The following GGT5 variants were observed in gnomAD, a reference collection of about 807,000 sequenced individuals.
The protein encoded by GGT5 is glutathione hydrolase 5 proenzyme.
GGT5 carries 50 observed loss-of-function variants against 58.1 expected under a neutral mutation model. That is an observed-to-expected ratio of 0.86 (90% CI 0.69 to 1.09). The LOEUF is 1.09. Ranked by LOEUF, GGT5 falls within the 50% of genes least tolerant of loss-of-function variation. The pLI is 0.00. For synonymous variants in GGT5, 370 were observed against 346.1 expected, an observed-to-expected ratio of 1.07 and a Z score of -0.77; for missense variants, 800 against 789.4, an observed-to-expected ratio of 1.01 and a Z score of -0.16.
chr22:24,226,766 C>T lies in GGT5; in HGVS notation c.903G>A (p.Gly301=), dbSNP rs200056516. 7.0e-5 allele frequency: 113 copies of T among 1,613,928 alleles called. No homozygotes were observed. The highest frequency in any genetic ancestry group is 5.9e-4 in the South Asian group (54 of 91,074). Residue 301 remains glycine (G), a splice_region_variant and synonymous_variant, in exon 7 of 12, where the codon GGG becomes GGA. Transcript: ENST00000327365. ...CCATAGACTCTGTTGAGAAGTTGAA[C>T]CCTGGAGAGAGGTTGGGGCACAGGT... ...ILSFILNVLR[G]FNFSTESMAR...
At position 24,219,997 on chromosome 22, in the gene GGT5, C is replaced by T. The variant is rs2047541343; in HGVS notation, c.1734G>A (p.Arg578=). ...AGTAGCCTGCGGCCTCCCCACTCTT[C>T]CTCAGGTCCGAGACGGCGTACACAC... ...GACVYAVSDL[R]KSGEAAGY is the part of the protein sequence containing the mutation. The change falls in exon 12 of 12, where the codon AGG becomes AGA. Residue 578 remains arginine, a synonymous_variant. Coordinates refer to ENST00000327365, the MANE Select transcript of GGT5 (RefSeq NM_004121.5). 3.7e-6 allele frequency: 6 copies of T among 1,614,066 alleles called. No individual in the cohort carries two copies. In the African/African-American group the frequency reaches 6.7e-5, roughly 18 times the overall value.
In GGT5 at chr22:24,233,650, G is replaced by C. The variant is rs532824600; in HGVS notation, c.305-57C>G. 5.0e-5 allele frequency: 51 copies of C among 1,023,006 alleles called. 1 individual carries two copies. The East Asian group carries it at 1.3e-3, about 25-fold the overall frequency. The allele number at this position is 1,023,006 out of a possible 1,614,324, so 63.4% of individuals were successfully genotyped here. On this transcript the variant is annotated intron_variant, in intron 2 of 11. Transcript: ENST00000327365. ...GGACCCTGCAGACAGCCCCTGGCCT[G>C]CTCTAGGCCTCAGTTTCCATCTCTG...
chr22:24,219,674 T>TCTG lies in GGT5; in HGVS notation c.*295_*296insCAG. Reference sequence around the variant, plus strand: ...TGGAATCAGGCCACAGTCCGCCTCTTTAATCTTGGACTGGAGGATATACAG... The same window carrying TCTG: ...TGGAATCAGGCCACAGTCCGCCTCTTCTGTAATCTTGGACTGGAGGATATACAG... On this transcript the variant is annotated 3_prime_UTR_variant, in exon 12 of 12. Transcript: ENST00000327365. 2.9e-6 allele frequency: 1 copy of TCTG among 349,898 alleles called. No homozygotes were observed. Among genetic ancestry groups the TCTG allele is most frequent in the Non-Finnish European group, 5.3e-6 (1 of 189,364 alleles). The allele number at this position is 349,898 out of a possible 1,614,324, so 21.7% of individuals were successfully genotyped here.
At chr22:24,228,267 C>T (rs566418892) in intron 6 of GGT5, among the ~76,000 whole-genome samples, 2 of 151,882 alleles carry the variant, frequency 1.3e-5, no homozygotes, top group South Asian at 4.2e-4. Flanking sequence ...CCACTGCACT[C>T]CAGCCCAGGT....
intron 1 of GGT5, among the ~76,000 whole-genome samples, chr22:24,237,392 C>T (rs1405035829): frequency 6.9e-6 from 1 of 145,486 alleles, no homozygotes; most frequent in East Asian, 2.0e-4. Flanking sequence ...ATCCCTAGGC[C>T]TCAAATTATT....
intron 1 of GGT5, chr22:24,244,323 A>C: frequency 3.8e-6 from 2 of 525,168 alleles, no homozygotes. Context: ...ACACCCACCC[A>C]CACATACACA....
At chr22:24,244,266 C>T (rs545004541) in intron 1 of GGT5, 4,033 of 391,534 alleles carry the variant, frequency 0.01, 37 homozygotes, top group Middle Eastern at 0.032. Context: ...CACACACACA[C>T]GGCTCCTGCT....
chr22:24,232,738 A>T (rs1318998253), intron 4 of GGT5, 85 bp downstream of exon 4: 1 of 923,218 alleles, frequency 1.1e-6, no homozygotes. Flanking sequence ...TGTAAGAGGG[A>T]CTGAGGCAGA....
chr22:24,242,928 A>G (rs1028272086), intron 1 of GGT5: 6 of 152,282 alleles, frequency 3.9e-5, no homozygotes, highest in African/African-American at 1.4e-4. Flanking sequence ...TTGACAAAAC[A>G]CTGGGGCAAA....
At chr22:24,229,335 A>C (rs569823960) in intron 6 of GGT5, among the ~76,000 whole-genome samples, 162 of 152,064 alleles carry the variant, frequency 1.1e-3, no homozygotes, top group Non-Finnish European at 1.8e-3. Flanking sequence ...TGAACCCAGG[A>C]GGCAGAGTTT....
chr22:24,233,186 C>T (rs796488626), intron 3 of GGT5, among the ~76,000 whole-genome samples, 168 bp from the exon 4 acceptor site: 43 of 152,332 alleles, frequency 2.8e-4, no homozygotes, highest in African/African-American at 9.9e-4. Flanking sequence ...CCACAAAGTC[C>T]ATGGCCAAGC....
In GGT5 at chr22:24,232,108, C is replaced by T. The variant is rs1419126653; in HGVS notation, c.697G>A (p.Glu233Lys). Residue 233 changes from glutamate (E) to lysine (K), a missense_variant, in exon 5 of 12, where the codon GAG (glutamate) becomes AAG (lysine). Coordinates refer to ENST00000327365, the MANE Select transcript of GGT5 (RefSeq NM_004121.5). ...CCCAGCCTCCCCGTGTAGAAGACCT[C>T]CACGCCCTCTGTGGCCACGGTCTCC... ...TLETVATEGVEVFYTGRLGQM... is the reference protein window; with the variant it reads ...TLETVATEGVKVFYTGRLGQM... 14 of 1,612,134 alleles carry T rather than the reference C, an allele frequency of 8.7e-6. No homozygotes were observed. The highest frequency in any genetic ancestry group is 1.1e-5 in the Non-Finnish European group (13 of 1,178,826).
intron 3 of GGT5, 135 bp from the exon 4 acceptor site, chr22:24,233,153 C>T: frequency 1.5e-6 from 1 of 677,422 alleles, no homozygotes. Flanking sequence ...ACGTCCCTCC[C>T]TGCTCAAATC....
chr22:24,237,760 A>G (rs1356544267), intron 1 of GGT5, among the ~76,000 whole-genome samples: 1 of 152,144 alleles, frequency 6.6e-6, no homozygotes, highest in Non-Finnish European at 1.5e-5. Context: ...AACCAAGCAA[A>G]CAAGGAAATA....
chr22:24,234,008 G>A lies in GGT5; in HGVS notation c.174-4C>T, dbSNP rs989948757. On this transcript the variant is annotated splice_polypyrimidine_tract_variant and splice_region_variant and intron_variant, in intron 1 of 11. Transcript: ENST00000327365. Reference sequence around the variant, plus strand: ...GCCCTGCTGCTGGAGGATGGCTCTAGGGGACATGGCACAGAGTCGCTGTGG... The same window carrying A: ...GCCCTGCTGCTGGAGGATGGCTCTAAGGGACATGGCACAGAGTCGCTGTGG... The A allele has an allele frequency of 6.2e-7, 1 of 1,604,210 alleles. No individual in the cohort carries two copies. The highest frequency in any genetic ancestry group is 8.5e-7 in the Non-Finnish European group (1 of 1,175,960).
chr22:24,225,735 C>G (rs71318962), intron 8 of GGT5, 83 bp from the exon 9 acceptor site: 2 of 833,028 alleles, frequency 2.4e-6, no homozygotes, highest in Non-Finnish European at 4.0e-6. Flanking sequence ...TTTGCAGGAC[C>G]CCCTCGTTTT....
At chr22:24,237,189 C>G (rs2048123722) in intron 1 of GGT5, among the ~76,000 whole-genome samples, 1 of 151,978 alleles carries the variant, frequency 6.6e-6, no homozygotes, top group Non-Finnish European at 1.5e-5. Flanking sequence ...GCGTGAGCCA[C>G]CACACCTGGT....
chr22:24,244,955 T>C lies in GGT5; in HGVS notation c.-230A>G. 1.5e-6 allele frequency: 1 copy of C among 685,170 alleles called. No individual in the cohort carries two copies. Among genetic ancestry groups the C allele is most frequent in the South Asian group, 2.1e-5 (1 of 46,616 alleles). The allele number at this position is 685,170 out of a possible 1,614,324, so 42.4% of individuals were successfully genotyped here. A position where few individuals can be genotyped will look rare whatever the true frequency, so the allele number is the denominator to read the frequency against. ...GATAGACAATGGGACAGAGATGGGC[T>C]TACAGATGGGCGGACAGACAGACAG... On this transcript the variant is annotated 5_prime_UTR_variant, in exon 1 of 12. Transcript: ENST00000327365.
rs1183753701 is a variant in GGT5 at position 24,232,149 on chromosome 22, G to A, written c.656C>T (p.Ala219Val). The change falls in exon 5 of 12, where the codon GCA becomes GTA. Residue 219 changes from alanine to valine, a missense_variant. Ala to Val is a moderately conservative substitution (Grantham distance 64). Transcript: ENST00000327365. Reference protein sequence around the residue: ...LRPQDPLPWPALATTLETVAT... With the variant: ...LRPQDPLPWPVLATTLETVAT... Reference sequence around the variant, plus strand: ...CACGGTCTCCAGGGTGGTGGCCAGTGCAGGCCATGGGAGTGGGTCCTGAGG... The same window carrying A: ...CACGGTCTCCAGGGTGGTGGCCAGTACAGGCCATGGGAGTGGGTCCTGAGG... 1 of 1,596,782 alleles carries A rather than the reference G, an allele frequency of 6.3e-7. No individual in the cohort carries two copies.
Sources: gnomAD v4.1 joint callset for allele counts (sites outside exome capture counted in the v4.1 genomes callset) on GRCh38, gnomAD v4.1.1 for gene constraint, MANE v1.5 for transcripts, NCBI Gene and HGNC (gene_info 2026-07-23, HGNC 2026-07-21) for gene names.